Variants in CSMD2 observed in about 807,000 individuals in gnomAD.
The protein encoded by CSMD2 is CUB and Sushi multiple domains 2.
Under a neutral mutation model 398.5 loss-of-function variants are expected in CSMD2, and 130 were observed. The ratio of observed to expected loss-of-function variants is 0.33; its 90% CI spans 0.28 to 0.38. CSMD2 has a LOEUF of 0.38. Ranked by LOEUF, CSMD2 falls within the 10% of genes least tolerant of loss-of-function variation. The pLI is 1.00. For missense variants in CSMD2, 3,829 were observed against 4,764.9 expected (o/e 0.80, Z 5.78); for synonymous variants, 1,828 against 1,908.5 (o/e 0.96, Z 1.10).
intron 2 of CSMD2, among the ~76,000 whole-genome samples, chr1:34,083,968 T>A (rs1216564146): frequency 1.3e-5 from 2 of 151,608 alleles, no homozygotes; most frequent in Admixed American, 6.6e-5. Context: ...CTGTGGCTAT[T>A]GTTGTCATCA....
intron 2 of CSMD2, among the ~76,000 whole-genome samples, chr1:34,044,005 G>T (rs1652184468): frequency 6.6e-6 from 1 of 152,164 alleles, no homozygotes; most frequent in African/African-American, 2.4e-5. Flanking sequence ...CTTGTGCCTG[G>T]CTTCTCCCAG....
At chr1:34,065,150 C>A (rs1279013665) in intron 2 of CSMD2, among the ~76,000 whole-genome samples, 1 of 152,068 alleles carries the variant, frequency 6.6e-6, no homozygotes, top group African/African-American at 2.4e-5. Flanking sequence ...TCCTTTGCTC[C>A]CCTCCCCCAA....
chr1:33,691,670 C>T (rs1366971440), intron 25 of CSMD2, among the ~76,000 whole-genome samples: 1 of 152,154 alleles, frequency 6.6e-6, no homozygotes, highest in African/African-American at 2.4e-5. Context: ...TTGTAACAGA[C>T]TCCTGATGGT....
At chr1:34,133,992 C>T (rs1226931659) in intron 1 of CSMD2, among the ~76,000 whole-genome samples, 2 of 143,456 alleles carry the variant, frequency 1.4e-5, no homozygotes, top group Non-Finnish European at 3.0e-5. Flanking sequence ...TCGCTTGAAC[C>T]GGGGAGGCAG....
Position 33,645,978 on chromosome 1 carries a change from A to G in CSMD2, c.4774+670T>C, listed in dbSNP as rs867720756. Among the ~76,000 whole-genome samples the G allele has an allele frequency of 2.0e-5, 3 of 152,374 alleles. 1 individual carries two copies. Among genetic ancestry groups the G allele is most frequent in the Middle Eastern group, 6.8e-3 (2 of 294 alleles). On this transcript the variant is annotated intron_variant, in intron 29 of 70. Coordinates refer to ENST00000373381, the MANE Select transcript of CSMD2 (RefSeq NM_001281956.2). ...GTGGCTGCTTTAGCACTACAGTAGTAGGGCTGAGTAGTTGTGATAGGTAAA... is the reference window on the plus strand; with the variant it reads ...GTGGCTGCTTTAGCACTACAGTAGTGGGGCTGAGTAGTTGTGATAGGTAAA...
chr1:33,598,665 G>GT (rs5773419), intron 44 of CSMD2: 1,123 of 73,622 alleles, frequency 0.015, 28 homozygotes, highest in South Asian at 0.057. Context: ...AGTTTCCTGT[G>GT]TTTTTTTTTT....
chr1:34,123,259 A>C (rs1281173934), intron 1 of CSMD2, among the ~76,000 whole-genome samples: 1 of 152,170 alleles, frequency 6.6e-6, no homozygotes, highest in Non-Finnish European at 1.5e-5. Flanking sequence ...TTAATTAATC[A>C]TGCCTACGTA....
chr1:33,642,167 C>T (rs192003667), intron 29 of CSMD2, among the ~76,000 whole-genome samples: 7 of 151,792 alleles, frequency 4.6e-5, no homozygotes, highest in East Asian at 1.9e-4. Flanking sequence ...GCCAACATGG[C>T]GAAACCCCAT....
At chr1:34,006,735 G>A (rs1427724625) in intron 3 of CSMD2, among the ~76,000 whole-genome samples, 1 of 152,038 alleles carries the variant, frequency 6.6e-6, no homozygotes, top group Non-Finnish European at 1.5e-5. Flanking sequence ...TCATTCTTGG[G>A]TACTAGGCTC....
chr1:33,892,935 G>A (rs1455716692), intron 5 of CSMD2, among the ~76,000 whole-genome samples: 3 of 152,220 alleles, frequency 2.0e-5, no homozygotes, highest in African/African-American at 4.8e-5. Flanking sequence ...TTCGTAGGAG[G>A]TGAATGACCA....
chr1:33,700,456 A>C, intron 23 of CSMD2, 61 bp downstream of exon 23: 1 of 1,573,320 alleles, frequency 6.4e-7, no homozygotes, highest in African/African-American at 1.4e-5. Flanking sequence ...AGAAGCTCAA[A>C]TAAATGAATA....
intron 10 of CSMD2, among the ~76,000 whole-genome samples, chr1:33,800,065 A>G (rs1487041047): frequency 6.6e-6 from 1 of 152,192 alleles, no homozygotes; most frequent in Non-Finnish European, 1.5e-5. Context: ...CCCTGCCACA[A>G]TGCTGTGCTC....
At chr1:33,732,125 C>T (rs1402207331) in intron 15 of CSMD2, among the ~76,000 whole-genome samples, 1 of 150,232 alleles carries the variant, frequency 6.7e-6, no homozygotes, top group African/African-American at 2.4e-5. Flanking sequence ...CGTGCACATG[C>T]ACACACACAC....
rs188533090 is a variant in CSMD2 at position 33,570,163 on chromosome 1, T to C, written c.7958-616A>G. 3.9e-4 allele frequency among the ~76,000 whole-genome samples: 54 copies of C among 138,406 alleles called. No individual in the cohort carries two copies. The East Asian group carries it at 0.011, about 28-fold the overall frequency. 90.8% of individuals were successfully genotyped at this position (138,406 alleles called of 152,430 possible). A position where few individuals can be genotyped will look rare whatever the true frequency, so the allele number is the denominator to read the frequency against. On this transcript the variant is annotated intron_variant, in intron 51 of 70. Coordinates refer to ENST00000373381, the MANE Select transcript of CSMD2 (RefSeq NM_001281956.2). Reference sequence around the variant, plus strand: ...CAACAGTGTCATGAATCACGGACATTGGCTTTTTTTTTTTTTTTTTTTGAG... The same window carrying C: ...CAACAGTGTCATGAATCACGGACATCGGCTTTTTTTTTTTTTTTTTTTGAG...
intron 5 of CSMD2, among the ~76,000 whole-genome samples, chr1:33,902,382 T>A (rs1156231883): frequency 6.6e-6 from 1 of 152,172 alleles, no homozygotes; most frequent in African/African-American, 2.4e-5. Context: ...ATTTTCTACT[T>A]CACTCTTTGA....
chr1:33,542,646 G>C, intron 58 of CSMD2, 74 bp downstream of exon 58: 1 of 1,369,020 alleles, frequency 7.3e-7, no homozygotes, highest in South Asian at 1.4e-5. Flanking sequence ...CATCTTCCAT[G>C]GATAGCCTTC....
At position 33,698,392 on chromosome 1, in the gene CSMD2, G is replaced by A. The variant is rs992120724; in HGVS notation, c.3925+361C>T. On this transcript the variant is annotated intron_variant, in intron 24 of 70. Transcript: ENST00000373381. ...AGACTCATTTGAGTCTTGGCGTTAC[G>A]ATAAGCCCTGGAACTCAGGCAAAAG... Among the ~76,000 whole-genome samples, 21 of 152,170 alleles carry A rather than the reference G, an allele frequency of 1.4e-4. 1 individual carries two copies. Among genetic ancestry groups the A allele is most frequent in the Admixed American group, 1.0e-3 (16 of 15,274 alleles).
intron 17 of CSMD2, among the ~76,000 whole-genome samples, chr1:33,724,920 C>T (rs1010677487): frequency 5.3e-5 from 8 of 152,148 alleles, no homozygotes; most frequent in East Asian, 1.9e-4. Flanking sequence ...TCATGGTGCT[C>T]GCAGCTCCAG....
At chr1:33,532,781 G>GAA (rs536904781) in intron 64 of CSMD2, among the ~76,000 whole-genome samples, 23 of 152,322 alleles carry the variant, frequency 1.5e-4, no homozygotes, top group African/African-American at 4.3e-4. Context: ...TTTGGTGGAA[G>GAA]AAAGCACTTT....
Sources: allele counts gnomAD v4.1 joint callset (sites outside exome capture counted in the v4.1 genomes callset), GRCh38; gene constraint gnomAD v4.1.1; transcripts MANE v1.5; gene names NCBI Gene and HGNC (gene_info 2026-07-23, HGNC 2026-07-21).